Variants in ERCC5 observed in about 807,000 individuals in gnomAD.
ERCC5 encodes the protein DNA excision repair protein ERCC-5.
ERCC5 carries 68 observed loss-of-function variants against 105.6 expected under a neutral mutation model. The ratio of observed to expected loss-of-function variants is 0.64; its 90% CI spans 0.53 to 0.79. ERCC5 has a LOEUF of 0.79. Ranked by LOEUF, ERCC5 falls within the 30% of genes least tolerant of loss-of-function variation. ERCC5 has a pLI of 0.00. For synonymous variants in ERCC5, 546 were observed against 526.2 expected (o/e 1.04, Z -0.51); for missense variants, 1,373 against 1,426.7 (o/e 0.96, Z 0.61).
At position 102,849,809 on chromosome 13, in the gene ERCC5, G is replaced by A. The variant is rs578142822; in HGVS notation, c.89-2309G>A. Among the ~76,000 whole-genome samples, 9 of 152,250 alleles carry A rather than the reference G, an allele frequency of 5.9e-5. No homozygotes were observed. In the South Asian group the frequency reaches 1.9e-3, roughly 32 times the overall value. ...TTTGTTCAGTGCACTGGATATGCCAGTGCATAGAAAAAATGCTGCCACATA... is the reference window on the plus strand; with the variant it reads ...TTTGTTCAGTGCACTGGATATGCCAATGCATAGAAAAAATGCTGCCACATA... On this transcript the variant is annotated intron_variant, in intron 1 of 14. Transcript: ENST00000652225.
rs1883175256 is a variant in ERCC5 at position 102,875,309 on chromosome 13, A to G, written c.2967A>G (p.Thr989=). Residue 989 remains threonine, a splice_region_variant and synonymous_variant, in exon 15 of 15, where the codon ACA becomes ACG. Transcript: ENST00000652225. ...TTATTCTTTTGTTATTTTTTTAGAC[A>G]CAGCTCCGAATTGATTCCTTCTTTA... is the stretch of plus-strand genomic sequence containing the variant. ...PVLKQLDAQQ[T]QLRIDSFFRL... The G allele has an allele frequency of 1.9e-6, 3 of 1,613,664 alleles. No individual in the cohort carries two copies. The highest frequency in any genetic ancestry group is 1.1e-5 in the South Asian group (1 of 90,834).
At chr13:102,870,938 A>G (rs1022544688) in intron 12 of ERCC5, among the ~76,000 whole-genome samples, 2 of 152,100 alleles carry the variant, frequency 1.3e-5, no homozygotes, top group Non-Finnish European at 2.9e-5. Flanking sequence ...TTTTTTCCTA[A>G]TTGTGTAAAT....
chr13:102,856,000 G>C lies in ERCC5; in HGVS notation c.468-52G>C. 6 of 1,571,522 alleles carry C rather than the reference G, an allele frequency of 3.8e-6. No homozygotes were observed. The South Asian group carries it at 6.7e-5, about 17-fold the overall frequency. The stretch of plus-strand genomic sequence containing the variant: ...CAGAGCCTTGCATACAAGTATTTTT[G>C]TAAGGGGTCCTTAAAAATCATAGAT... On this transcript the variant is annotated intron_variant, in intron 4 of 14. Coordinates refer to ENST00000652225, the MANE Select transcript of ERCC5 (RefSeq NM_000123.4).
At chr13:102,860,620 A>G (rs1210563935) in intron 6 of ERCC5, among the ~76,000 whole-genome samples, 1 of 152,246 alleles carries the variant, frequency 6.6e-6, no homozygotes, top group Non-Finnish European at 1.5e-5. Flanking sequence ...ACCACTTATT[A>G]GCCCTGTGAC....
intron 4 of ERCC5, among the ~76,000 whole-genome samples, chr13:102,855,711 C>T (rs186762816): frequency 2.6e-5 from 4 of 152,326 alleles, no homozygotes; most frequent in Admixed American, 2.0e-4. Flanking sequence ...TCTCCATGAA[C>T]CTTCCCGCTC....
chr13:102,855,914 A>G (rs1446178713), intron 4 of ERCC5, 138 bp from the exon 5 acceptor site: 10 of 820,132 alleles, frequency 1.2e-5, no homozygotes, highest in Non-Finnish European at 1.9e-5. Flanking sequence ...CCACCAGACC[A>G]TGAGACCAGT....
Position 102,846,127 on chromosome 13 carries a change from G to A in ERCC5, c.-140G>A, listed in dbSNP as rs1222496671. On this transcript the variant is annotated 5_prime_UTR_variant, in exon 1 of 15. In the 5' UTR this introduces an upstream ATG that the reference lacks. Coordinates refer to ENST00000652225, the MANE Select transcript of ERCC5 (RefSeq NM_000123.4). ...TAGTGCCGTCCCCCACTGGAAAACC[G>A]TGGCTTCTGTATTATTTGCCATCTT... 9.0e-6 allele frequency: 6 copies of A among 667,766 alleles called. No individual in the cohort carries two copies. The highest frequency in any genetic ancestry group is 1.8e-5 in the South Asian group (1 of 55,582). 41.4% of individuals were successfully genotyped at this position (667,766 alleles called of 1,614,324 possible).
chr13:102,848,088 G>A (rs550552286), intron 1 of ERCC5, among the ~76,000 whole-genome samples: 1 of 152,090 alleles, frequency 6.6e-6, no homozygotes, highest in Non-Finnish European at 1.5e-5. Context: ...GGGCCCAGGC[G>A]GTCAAGGCTG....
At chr13:102,874,584 A>T (rs546959386) in intron 14 of ERCC5, among the ~76,000 whole-genome samples, 1 of 152,032 alleles carries the variant, frequency 6.6e-6, no homozygotes, top group Non-Finnish European at 1.5e-5. Flanking sequence ...TGCAGTGGTG[A>T]GAACTCGGCT....
At chr13:102,860,879 A>G (rs1425514257) in intron 6 of ERCC5, among the ~76,000 whole-genome samples, 2 of 152,200 alleles carry the variant, frequency 1.3e-5, no homozygotes, top group African/African-American at 4.8e-5. Flanking sequence ...ATTTACCTAC[A>G]TTCTAGAAGA....
At chr13:102,848,483 T>A (rs1293887593) in intron 1 of ERCC5, among the ~76,000 whole-genome samples, 2 of 152,244 alleles carry the variant, frequency 1.3e-5, no homozygotes, top group African/African-American at 4.8e-5. Context: ...TAGATTTTAA[T>A]GTTTGTAATA....
chr13:102,866,090 T>G (rs928983582), intron 9 of ERCC5, 172 bp from the exon 10 acceptor site: 12 of 1,465,486 alleles, frequency 8.2e-6, no homozygotes, highest in African/African-American at 1.4e-5. Context: ...TCCATGTGGT[T>G]TAGTGATGAA....
Position 102,862,574 on chromosome 13 carries a change from A to G in ERCC5, c.1425A>G (p.Gln475=), listed in dbSNP as rs1199668178. ...CCACAGACTCAGTTCCAAAAGAACA[A>G]ATGTCACTTGTTCACGTGGGGACTG... ...REPTDSVPKE[Q]MSLVHVGTEA... is the part of the protein sequence containing the mutation. Residue 475 remains glutamine (Q), a synonymous_variant, in exon 8 of 15, where the codon CAA becomes CAG. Coordinates refer to ENST00000652225, the MANE Select transcript of ERCC5 (RefSeq NM_000123.4). The G allele has an allele frequency of 9.9e-6, 16 of 1,614,094 alleles. No homozygotes were observed. The East Asian group carries it at 2.9e-4, about 29-fold the overall frequency.
chr13:102,866,609 A>T, intron 10 of ERCC5, 23 bp from the exon 11 acceptor site: 3 of 1,612,200 alleles, frequency 1.9e-6, no homozygotes, highest in Non-Finnish European at 2.5e-6. Flanking sequence ...CCTGGGCGTC[A>T]CTGTGTACCC....
At chr13:102,868,915 G>C (rs1369317558) in intron 12 of ERCC5, among the ~76,000 whole-genome samples, 1 of 152,180 alleles carries the variant, frequency 6.6e-6, no homozygotes, top group Non-Finnish European at 1.5e-5. Context: ...CTTTGTCCTT[G>C]ATGGCATCTT....
rs1460789781 is a variant in ERCC5 at position 102,862,263 on chromosome 13, A to T, written c.1114A>T (p.Arg372Trp). The change falls in exon 8 of 15, where the codon AGG (arginine) becomes TGG (tryptophan). Residue 372 changes from arginine (R) to tryptophan (W), a missense_variant. Arg to Trp is a moderately radical substitution (Grantham distance 101). Coordinates refer to ENST00000652225, the MANE Select transcript of ERCC5 (RefSeq NM_000123.4). Reference protein sequence around the residue: ...ESENRRQARGRNAPAAVDEGS... With the variant: ...ESENRRQARGWNAPAAVDEGS... ...TGAAAATCGAAGGCAGGCCCGTGGGAGGAACGCACCTGCTGCTGTAGACGA... is the reference window on the plus strand; with the variant it reads ...TGAAAATCGAAGGCAGGCCCGTGGGTGGAACGCACCTGCTGCTGTAGACGA... The T allele has an allele frequency of 6.2e-7, 1 of 1,614,052 alleles. No individual in the cohort carries two copies.
At chr13:102,853,277 C>T (rs1053688189) in intron 2 of ERCC5, among the ~76,000 whole-genome samples, 4 of 152,146 alleles carry the variant, frequency 2.6e-5, no homozygotes, top group African/African-American at 9.7e-5. Context: ...ATCCATTTGT[C>T]ACTACTTGAA....
chr13:102,858,496 G>A, intron 6 of ERCC5, 78 bp downstream of exon 6: 1 of 1,592,524 alleles, frequency 6.3e-7, no homozygotes, highest in Non-Finnish European at 8.6e-7. Flanking sequence ...AGAGAAAATT[G>A]ATAAGCAATA....
At chr13:102,850,751 G>C (rs959710166) in intron 1 of ERCC5, among the ~76,000 whole-genome samples, 5 of 152,270 alleles carry the variant, frequency 3.3e-5, no homozygotes, top group Admixed American at 3.3e-4. Context: ...GTATGGGGTA[G>C]AGACGTCATC....
Sources: allele counts gnomAD v4.1 joint callset (sites outside exome capture counted in the v4.1 genomes callset), GRCh38; gene constraint gnomAD v4.1.1; transcripts MANE v1.5; gene names NCBI Gene and HGNC (gene_info 2026-07-23, HGNC 2026-07-21).